The following STK26 variants were observed in gnomAD, a reference collection of about 807,000 sequenced individuals.
The protein encoded by STK26 is serine/threonine kinase 26.
In STK26, 14 loss-of-function variants were observed where a neutral mutation model predicts 34.7. The observed-to-expected ratio is 0.40, with a 90% CI of 0.27 to 0.63. The LOEUF is 0.63. Ranked by LOEUF, STK26 falls within the 30% of genes least tolerant of loss-of-function variation. The pLI, the probability that STK26 is intolerant of heterozygous loss-of-function variation, is 0.38. For missense variants in STK26, 226 were observed against 309.1 expected (o/e 0.73, Z 2.02); for synonymous variants, 100 against 109.8 (o/e 0.91, Z 0.56).
At chrX:132,043,506 T>C (rs924559616) in intron 2 of STK26, among the ~76,000 whole-genome samples, 2 of 111,826 alleles carry the variant, frequency 1.8e-5, no homozygotes, top group Admixed American at 1.9e-4. Context: ...TAGTTAGGGC[T>C]TGTTATCAAT....
At chrX:132,034,292 CTTTTTTTTTTTTTTT>C (rs561602079) in intron 2 of STK26, among the ~76,000 whole-genome samples, 2 of 41,375 alleles carry the variant, frequency 4.8e-5, no homozygotes, top group Admixed American at 5.2e-4. Context: ...GACATTTATT[CTTTTTTTTTTTTTTT>C]TTTTTTTTTT....
At chrX:132,028,347 T>G (rs1602740290) in intron 2 of STK26, among the ~76,000 whole-genome samples, 1 of 111,694 alleles carries the variant, frequency 9.0e-6, no homozygotes, top group East Asian at 2.8e-4. Context: ...CTGGGAGACT[T>G]ATGATACATC....
intron 3 of STK26, among the ~76,000 whole-genome samples, chrX:132,062,551 T>C (rs765461740): frequency 6.3e-5 from 7 of 111,906 alleles, no homozygotes; most frequent in African/African-American, 2.3e-4. Context: ...ATATTCTTTC[T>C]AGGTTCCGTG....
chrX:132,034,203 A>AAGAG (rs1203675480), intron 2 of STK26, among the ~76,000 whole-genome samples: 3 of 103,689 alleles, frequency 2.9e-5, no homozygotes, highest in Non-Finnish European at 5.9e-5. Context: ...CTCCTTGTAT[A>AAGAG]AGAGAGATTT....
intron 3 of STK26, among the ~76,000 whole-genome samples, chrX:132,059,607 A>G (rs979693537): frequency 1.8e-5 from 2 of 111,639 alleles, no homozygotes; most frequent in Non-Finnish European, 3.8e-5. Context: ...TGATCTCATA[A>G]TATTGGAATA....
intron 2 of STK26, among the ~76,000 whole-genome samples, chrX:132,024,085 G>T (rs1162198743): frequency 1.8e-5 from 2 of 111,114 alleles, no homozygotes; most frequent in Non-Finnish European, 3.8e-5. Flanking sequence ...GTTGGGGCGG[G>T]GCAACACCAG....
intron 4 of STK26, among the ~76,000 whole-genome samples, chrX:132,064,278 T>G (rs1167009959): frequency 1.8e-5 from 2 of 111,850 alleles, no homozygotes; most frequent in East Asian, 5.6e-4. Flanking sequence ...CTTCACAGAG[T>G]TCTCTCTGCC....
intron 7 of STK26, among the ~76,000 whole-genome samples, chrX:132,070,060 A>G (rs748382632): frequency 9.3e-6 from 1 of 107,472 alleles, no homozygotes; most frequent in African/African-American, 3.4e-5. Context: ...TTTTTTTGAG[A>G]TGGAGCCTTG....
chrX:132,073,892 TCTTAAAATCC>T (rs1206143092), intron 11 of STK26, among the ~76,000 whole-genome samples: 2 of 111,392 alleles, frequency 1.8e-5, no homozygotes, highest in Non-Finnish European at 3.8e-5. Flanking sequence ...CCTAACCCCC[TCTTAAAATCC>T]CTTATATTTT....
chrX:132,061,254 T>C (rs1473904456), intron 3 of STK26, among the ~76,000 whole-genome samples: 10 of 112,294 alleles, frequency 8.9e-5, no homozygotes, highest in East Asian at 8.5e-4. Flanking sequence ...AGAAACAAAC[T>C]TGTGGCAGAA....
chrX:132,072,549 G>A (rs1285627682), intron 9 of STK26, among the ~76,000 whole-genome samples, 188 bp downstream of exon 9: 1 of 92,518 alleles, frequency 1.1e-5, no homozygotes, highest in Non-Finnish European at 2.2e-5. Context: ...TTATTTAAGT[G>A]GCCATATTGG....
chrX:132,054,618 C>T lies in STK26; in HGVS notation c.43-13C>T, dbSNP rs755767669. 2.6e-6 allele frequency: 3 copies of T among 1,169,252 alleles called. No homozygotes were observed. The highest frequency in any genetic ancestry group is 3.5e-6 in the Non-Finnish European group (3 of 868,192). On this transcript the variant is annotated splice_polypyrimidine_tract_variant and intron_variant, in intron 2 of 11. Transcript: ENST00000394334. ...TTGTGTTCTTTCTTTTTCTCGTTCC[C>T]CACTCCCTTCAGAATAACATAGCTG... is the stretch of plus-strand genomic sequence containing the variant.
At chrX:132,067,928 A>G (rs1927275139) in intron 4 of STK26, among the ~76,000 whole-genome samples, 1 of 110,755 alleles carries the variant, frequency 9.0e-6, no homozygotes, top group African/African-American at 3.3e-5. Context: ...CTTTGATGTA[A>G]ATATTCAGGA....
At chrX:132,043,438 G>T (rs1239658498) in intron 2 of STK26, among the ~76,000 whole-genome samples, 1 of 111,449 alleles carries the variant, frequency 9.0e-6, no homozygotes, top group Non-Finnish European at 1.9e-5. Flanking sequence ...TGTATTAACA[G>T]AGTCTTTGTC....
intron 4 of STK26, among the ~76,000 whole-genome samples, chrX:132,067,360 C>G (rs1176271148): frequency 9.0e-6 from 1 of 111,636 alleles, no homozygotes; most frequent in African/African-American, 3.3e-5. Flanking sequence ...AGAACTCTAC[C>G]TCTGCTCTGA....
intron 2 of STK26, among the ~76,000 whole-genome samples, chrX:132,043,537 C>A (rs1569329427): frequency 9.0e-6 from 1 of 111,612 alleles, no homozygotes; most frequent in South Asian, 3.7e-4. Flanking sequence ...ATTTATGTAA[C>A]CTCCTGTTTA....
At chrX:132,053,859 C>A (rs977593000) in intron 2 of STK26, among the ~76,000 whole-genome samples, 1 of 111,929 alleles carries the variant, frequency 8.9e-6, no homozygotes, top group African/African-American at 3.2e-5. Context: ...ATTTCTGAAT[C>A]AGGAAACAAC....
intron 2 of STK26, among the ~76,000 whole-genome samples, chrX:132,034,328 A>G (rs1925961352): frequency 2.9e-5 from 1 of 34,958 alleles, no homozygotes; most frequent in African/African-American, 1.1e-4. Flanking sequence ...TTTTTTTGAG[A>G]CGGAGTCTCG....
At chrX:132,041,035 TC>T (rs1926246224) in intron 2 of STK26, among the ~76,000 whole-genome samples, 1 of 112,177 alleles carries the variant, frequency 8.9e-6, no homozygotes, top group African/African-American at 3.2e-5. Context: ...GTATTTTTTT[TC>T]CGCAAAATAT....
Sources: allele counts gnomAD v4.1 joint callset (sites outside exome capture counted in the v4.1 genomes callset), GRCh38; gene constraint gnomAD v4.1.1; transcripts MANE v1.5; gene names NCBI Gene and HGNC (gene_info 2026-07-23, HGNC 2026-07-21).